THSD7B: variants seen among roughly 807,000 people sequenced by gnomAD.
The protein encoded by THSD7B is thrombospondin type-1 domain-containing protein 7B.
THSD7B carries 138 observed loss-of-function variants against 213.6 expected under a neutral mutation model. The observed-to-expected ratio is 0.65, with a 90% CI of 0.56 to 0.74. THSD7B has a LOEUF of 0.74. Among genes scored for constraint, THSD7B ranks in the 30% least tolerant of loss-of-function variants. The probability of loss-of-function intolerance (pLI) is 0.00; values close to 1 mark genes in which losing one functional copy is unlikely to be tolerated. For missense variants in THSD7B, 1,931 were observed against 1,991.5 expected (o/e 0.97, Z 0.58); for synonymous variants, 742 against 687.0 (o/e 1.08, Z -1.25).
chr2:137,125,087 G>A (rs1448879997), intron 5 of THSD7B, among the ~76,000 whole-genome samples: 1 of 152,032 alleles, frequency 6.6e-6, no homozygotes, highest in African/African-American at 2.4e-5. Flanking sequence ...AATAATCTAT[G>A]GGCATTTACA....
At chr2:136,831,103 G>A (rs936057596) in intron 1 of THSD7B, among the ~76,000 whole-genome samples, 4 of 143,302 alleles carry the variant, frequency 2.8e-5, no homozygotes, top group African/African-American at 1.0e-4. Context: ...TTTGTTTGGT[G>A]GTCTGGAGTT....
chr2:137,332,572 T>G (rs2104895833), intron 12 of THSD7B, among the ~76,000 whole-genome samples: 1 of 152,240 alleles, frequency 6.6e-6, no homozygotes, highest in Admixed American at 6.5e-5. Flanking sequence ...TATGATTGTG[T>G]TTTGAAATGT....
At chr2:136,933,108 A>ATTCCCTCC (rs1684658846) in intron 2 of THSD7B, among the ~76,000 whole-genome samples, 1 of 130,694 alleles carries the variant, frequency 7.7e-6, no homozygotes, top group Non-Finnish European at 1.6e-5. Flanking sequence ...TTTGCCCGCC[A>ATTCCCTCC]TTCCTTCCTT....
chr2:136,811,640 G>A (rs1682378740), intron 1 of THSD7B, among the ~76,000 whole-genome samples: 1 of 152,086 alleles, frequency 6.6e-6, no homozygotes, highest in South Asian at 2.1e-4. Context: ...TTGGTCTTGG[G>A]AAAAACATTT....
At chr2:137,188,463 AC>A (rs1310677372) in intron 7 of THSD7B, among the ~76,000 whole-genome samples, 1 of 149,960 alleles carries the variant, frequency 6.7e-6, no homozygotes, top group East Asian at 1.9e-4. Flanking sequence ...CTAATGAATA[AC>A]CTGGAAAAAT....
intron 14 of THSD7B, among the ~76,000 whole-genome samples, chr2:137,429,207 G>T (rs1687122359): frequency 1.3e-5 from 2 of 152,158 alleles, no homozygotes; most frequent in African/African-American, 4.8e-5. Context: ...GTCTCTTTTG[G>T]GGGTGATTAA....
chr2:136,993,041 A>G (rs991279265), intron 2 of THSD7B, among the ~76,000 whole-genome samples: 1 of 152,236 alleles, frequency 6.6e-6, no homozygotes, highest in Non-Finnish European at 1.5e-5. Context: ...GCACTGGAGC[A>G]AATACTCAGT....
At chr2:137,653,317 G>A (rs539568811) in intron 21 of THSD7B, among the ~76,000 whole-genome samples, 1 of 151,926 alleles carries the variant, frequency 6.6e-6, no homozygotes, top group Admixed American at 6.6e-5. Flanking sequence ...TCCTTTATAT[G>A]TTGTTTGCTT....
intron 4 of THSD7B, among the ~76,000 whole-genome samples, chr2:137,100,200 G>T (rs1218110298): frequency 6.6e-6 from 1 of 152,120 alleles, no homozygotes; most frequent in East Asian, 1.9e-4. Flanking sequence ...GATGGTAGAT[G>T]AAATCTTGGC....
At chr2:137,082,194 A>C (rs993087039) in intron 3 of THSD7B, among the ~76,000 whole-genome samples, 5 of 152,024 alleles carry the variant, frequency 3.3e-5, no homozygotes, top group African/African-American at 1.2e-4. Context: ...AATTTTTTTC[A>C]TGGAATCTTT....
chr2:137,340,698 A>G (rs560947177), intron 12 of THSD7B, among the ~76,000 whole-genome samples: 18 of 151,766 alleles, frequency 1.2e-4, no homozygotes, highest in African/African-American at 4.3e-4. Context: ...TCTGTGCCTC[A>G]CTTATTTCAC....
intron 12 of THSD7B, among the ~76,000 whole-genome samples, chr2:137,357,065 T>C (rs898679908): frequency 7.9e-5 from 12 of 151,894 alleles, no homozygotes; most frequent in African/African-American, 1.7e-4. Context: ...TATGTGATCA[T>C]AGGAAGTATA....
intron 2 of THSD7B, among the ~76,000 whole-genome samples, chr2:136,990,607 G>A (rs747120938): frequency 1.1e-4 from 17 of 152,122 alleles, no homozygotes; most frequent in Non-Finnish European, 2.4e-4. Context: ...CTAATTACTC[G>A]TGATGGAGGT....
rs533864571 is a variant in THSD7B at position 137,364,044 on chromosome 2, A to G, written c.2501-41569A>G. On this transcript the variant is annotated intron_variant, in intron 12 of 27. Transcript: ENST00000409968. ...AGCGCATCAAAAAGCTTATCCACCA[A>G]TATCAATTTGGCTTCATCCCTGGAA... Among the ~76,000 whole-genome samples, 13 of 152,246 alleles carry G rather than the reference A, an allele frequency of 8.5e-5. 1 individual carries two copies. In the South Asian group the frequency reaches 2.5e-3, roughly 29 times the overall value.
intron 10 of THSD7B, among the ~76,000 whole-genome samples, chr2:137,255,032 A>G (rs1032049901): frequency 6.6e-6 from 1 of 152,142 alleles, no homozygotes; most frequent in Non-Finnish European, 1.5e-5. Context: ...TAAACATGCA[A>G]TGTAACATTG....
chr2:137,081,405 T>A (rs1687745345), intron 3 of THSD7B, among the ~76,000 whole-genome samples: 1 of 152,136 alleles, frequency 6.6e-6, no homozygotes, highest in Admixed American at 6.5e-5. Context: ...TTATCTGTAT[T>A]TTTGGTACTT....
intron 1 of THSD7B, among the ~76,000 whole-genome samples, chr2:136,775,267 A>C (rs1236042805): frequency 6.6e-6 from 1 of 152,140 alleles, no homozygotes; most frequent in Non-Finnish European, 1.5e-5. Flanking sequence ...ATGTGAATTA[A>C]AATATAGCTG....
chr2:136,874,740 C>A (rs79664577), intron 1 of THSD7B, among the ~76,000 whole-genome samples: 2,477 of 152,112 alleles, frequency 0.016, 34 homozygotes, highest in Middle Eastern at 0.02. Context: ...TTTTTTATTT[C>A]TCTTAATATT....
chr2:137,165,894 C>T (rs757026193), intron 6 of THSD7B, among the ~76,000 whole-genome samples: 2 of 151,968 alleles, frequency 1.3e-5, no homozygotes, highest in African/African-American at 2.4e-5. Context: ...CATTTTTCTC[C>T]TCTCTAGGCT....
Sources: gnomAD v4.1 joint callset for allele counts (sites outside exome capture counted in the v4.1 genomes callset) on GRCh38, gnomAD v4.1.1 for gene constraint, MANE v1.5 for transcripts, NCBI Gene and HGNC (gene_info 2026-07-23, HGNC 2026-07-21) for gene names.